TMEM131: variants seen among roughly 807,000 people sequenced by gnomAD.
TMEM131 encodes 2610524E03Rik.
A neutral mutation model predicts 211.6 loss-of-function variants in TMEM131; 66 were observed. The observed-to-expected ratio is 0.31, with a 90% CI of 0.26 to 0.38. TMEM131 has a LOEUF of 0.38. Ranked by LOEUF, TMEM131 falls within the 10% of genes least tolerant of loss-of-function variation. The pLI, the probability that TMEM131 is intolerant of heterozygous loss-of-function variation, is 1.00. For synonymous variants in TMEM131, 844 were observed against 841.3 expected, an observed-to-expected ratio of 1.00 and a Z score of -0.06; for missense variants, 2,036 against 2,299.3, an observed-to-expected ratio of 0.89 and a Z score of 2.34.
intron 31 of TMEM131, among the ~76,000 whole-genome samples, chr2:97,788,680 A>T (rs1559359185): frequency 6.6e-6 from 1 of 152,104 alleles, no homozygotes; most frequent in Non-Finnish European, 1.5e-5. Context: ...AGTTAGAATC[A>T]CACAGACTGG....
chr2:97,797,071 A>G, intron 26 of TMEM131, 85 bp from the exon 27 acceptor site: 1 of 1,342,790 alleles, frequency 7.4e-7, no homozygotes, highest in Non-Finnish European at 1.0e-6. Flanking sequence ...TATTTTACAG[A>G]GCACCACATA....
At chr2:97,845,796 C>T (rs1683401016) in intron 5 of TMEM131, among the ~76,000 whole-genome samples, 1 of 148,174 alleles carries the variant, frequency 6.7e-6, no homozygotes. Context: ...GAAGCTGGTG[C>T]CTCAAAAAGT....
chr2:97,882,963 A>G (rs141379553), intron 4 of TMEM131, among the ~76,000 whole-genome samples: 2 of 152,338 alleles, frequency 1.3e-5, no homozygotes, highest in African/African-American at 4.8e-5. Context: ...TATTTTTCAT[A>G]GATCTAGAGG....
Position 97,812,750 on chromosome 2 carries a change from C to T in TMEM131, c.1618-1G>A. 1 of 1,505,852 alleles carries T rather than the reference C, an allele frequency of 6.6e-7. No individual in the cohort carries two copies. Among genetic ancestry groups the T allele is most frequent in the Non-Finnish European group, 9.0e-7 (1 of 1,112,372 alleles). 93.3% of individuals were successfully genotyped at this position (1,505,852 alleles called of 1,614,324 possible). A position where few individuals can be genotyped will look rare whatever the true frequency, so the allele number is the denominator to read the frequency against. ...CTATTTTGGGGGGCAATACAAAGTA[C>T]TGGAAAGATATAAAAGAACCAGATT... On this transcript the variant is annotated splice_acceptor_variant, in intron 15 of 40. Coordinates refer to ENST00000186436, the MANE Select transcript of TMEM131 (RefSeq NM_015348.2). LOFTEE classifies it high-confidence loss of function.
intron 33 of TMEM131, among the ~76,000 whole-genome samples, chr2:97,766,945 TG>T (rs1679197142): frequency 6.6e-6 from 1 of 152,220 alleles, no homozygotes; most frequent in African/African-American, 2.4e-5. Flanking sequence ...TGCTCAGGGC[TG>T]GAAGTGCGGT....
chr2:97,954,762 C>T (rs1253052010), intron 1 of TMEM131, among the ~76,000 whole-genome samples: 7 of 129,514 alleles, frequency 5.4e-5, no homozygotes, highest in Middle Eastern at 4.8e-3. Flanking sequence ...GCTGAGATCA[C>T]GGCATTGCAC....
intron 1 of TMEM131, among the ~76,000 whole-genome samples, chr2:97,950,750 A>G (rs752060630): frequency 6.6e-6 from 1 of 152,128 alleles, no homozygotes; most frequent in Non-Finnish European, 1.5e-5. Flanking sequence ...CCACATCTGC[A>G]TTCTGGTTTA....
At chr2:97,872,786 G>C (rs146634533) in intron 4 of TMEM131, among the ~76,000 whole-genome samples, 4,418 of 152,328 alleles carry the variant, frequency 0.029, 87 homozygotes, top group Non-Finnish European at 0.044. Context: ...CCAGGGCCCT[G>C]GGTTTCAAGC....
rs546670474 is a variant in TMEM131, at chr2:97,946,112, C to T, written c.188-18625G>A. ...TGTGCAGGGATTTTATCTTGCATTA[C>T]ATCTTGTAATATAATATTTATGATT... On this transcript the variant is annotated intron_variant, in intron 1 of 40. Transcript: ENST00000186436. Among the ~76,000 whole-genome samples, 7 of 152,166 alleles carry T rather than the reference C, an allele frequency of 4.6e-5. No individual in the cohort carries two copies. In the South Asian group the frequency reaches 1.4e-3, roughly 31 times the overall value.
At chr2:97,897,528 T>C (rs568956881) in intron 3 of TMEM131, among the ~76,000 whole-genome samples, 29 of 152,256 alleles carry the variant, frequency 1.9e-4, no homozygotes, top group African/African-American at 6.7e-4. Flanking sequence ...ACAAAGGCGT[T>C]TAAAATTTTG....
chr2:97,968,786 C>T (rs530492739), intron 1 of TMEM131, among the ~76,000 whole-genome samples: 5 of 152,210 alleles, frequency 3.3e-5, no homozygotes, highest in African/African-American at 1.2e-4. Flanking sequence ...TCCTTCCCAT[C>T]AGAATAAGGA....
chr2:97,862,849 A>G (rs946981329), intron 4 of TMEM131, among the ~76,000 whole-genome samples: 13 of 152,222 alleles, frequency 8.5e-5, no homozygotes, highest in Non-Finnish European at 4.4e-5. Flanking sequence ...CACTTCCCAA[A>G]TCTGGAGAAA....
At chr2:97,833,986 A>T (rs1469254521) in intron 10 of TMEM131, among the ~76,000 whole-genome samples, 1 of 152,184 alleles carries the variant, frequency 6.6e-6, no homozygotes, top group Non-Finnish European at 1.5e-5. Context: ...TTTTTTGTGA[A>T]GTCAGACATT....
Position 97,805,123 on chromosome 2 carries a change from C to T in TMEM131, c.2367G>A (p.Lys789=), listed in dbSNP as rs1400344159. ...AATTTTCCTTTATTCCTGTCCATCC[C>T]TTGAACAGGCTTTGATGCAAATCCC... is the stretch of plus-strand genomic sequence containing the variant. The part of the protein sequence containing the change: ...ADWDLHQSLF[K]GWTGIKENSG... Residue 789 remains lysine, a synonymous_variant, in exon 22 of 41, where the codon AAG becomes AAA. Transcript: ENST00000186436. 1 of 1,613,708 alleles carries T rather than the reference C, an allele frequency of 6.2e-7. No homozygotes were observed. Among genetic ancestry groups the T allele is most frequent in the South Asian group, 1.1e-5 (1 of 91,012 alleles).
At chr2:97,797,877 T>A (rs976416009) in intron 25 of TMEM131, among the ~76,000 whole-genome samples, 9 of 152,178 alleles carry the variant, frequency 5.9e-5, no homozygotes, top group African/African-American at 1.9e-4. Context: ...GCTAGACACA[T>A]TAGCACAAAG....
At chr2:97,973,772 C>T (rs1178966586) in intron 1 of TMEM131, among the ~76,000 whole-genome samples, 1 of 152,182 alleles carries the variant, frequency 6.6e-6, no homozygotes, top group Non-Finnish European at 1.5e-5. Context: ...GGACAGAGTG[C>T]TCAGGAGGGC....
At chr2:97,967,156 A>C (rs1010208759) in intron 1 of TMEM131, among the ~76,000 whole-genome samples, 3 of 152,192 alleles carry the variant, frequency 2.0e-5, no homozygotes, top group Non-Finnish European at 2.9e-5. Context: ...GCCCCATTAG[A>C]ACTGTCCTCT....
intron 1 of TMEM131, among the ~76,000 whole-genome samples, chr2:97,961,527 GGTT>G (rs1038183830): frequency 2.6e-5 from 4 of 152,162 alleles, no homozygotes; most frequent in African/African-American, 7.2e-5. Flanking sequence ...CAAAATCTCA[GGTT>G]GTTGTTGTTT....
chr2:97,772,900 A>T (rs1679535112), intron 32 of TMEM131, among the ~76,000 whole-genome samples: 1 of 152,250 alleles, frequency 6.6e-6, no homozygotes, highest in Non-Finnish European at 1.5e-5. Context: ...CATCTCAAAA[A>T]ATAAAGTAAA....
Sources: gnomAD v4.1 joint callset for allele counts (sites outside exome capture counted in the v4.1 genomes callset) on GRCh38, gnomAD v4.1.1 for gene constraint, MANE v1.5 for transcripts, NCBI Gene and HGNC (gene_info 2026-07-23, HGNC 2026-07-21) for gene names.